The following DDX60L variants were observed in gnomAD, a reference collection of about 807,000 sequenced individuals.
The protein encoded by DDX60L is DExD/H-box 60 like.
DDX60L carries 191 observed loss-of-function variants against 211.6 expected under a neutral mutation model. The observed-to-expected ratio is 0.90, with a 90% CI of 0.80 to 1.02. The LOEUF (loss-of-function observed/expected upper bound fraction) is 1.02, where lower values mean the gene tolerates loss of function less well. Ranked by LOEUF, DDX60L falls within the 50% of genes least tolerant of loss-of-function variation. The pLI is 0.00. For missense variants in DDX60L, 2,007 were observed against 1,984.1 expected, an observed-to-expected ratio of 1.01 and a Z score of -0.22; for synonymous variants, 706 against 694.1, an observed-to-expected ratio of 1.02 and a Z score of -0.27.
chr4:168,463,440 G>C (rs1024308765), intron 4 of DDX60L, among the ~76,000 whole-genome samples: 1 of 152,092 alleles, frequency 6.6e-6, no homozygotes, highest in Non-Finnish European at 1.5e-5. Context: ...ATTGGAGGGC[G>C]GAGGGTGGAG....
chr4:168,447,592 G>T (rs1324970699), intron 9 of DDX60L, among the ~76,000 whole-genome samples: 1 of 151,692 alleles, frequency 6.6e-6, no homozygotes, highest in Non-Finnish European at 1.5e-5. Flanking sequence ...CATTATTGTG[G>T]CATTATTCAC....
chr4:168,360,379 T>C (rs1738900438), intron 37 of DDX60L, among the ~76,000 whole-genome samples: 1 of 152,232 alleles, frequency 6.6e-6, no homozygotes, highest in South Asian at 2.1e-4. Context: ...TATGTAGAGA[T>C]ACTCCAAGTG....
At chr4:168,433,620 A>G (rs1752655340) in intron 10 of DDX60L, among the ~76,000 whole-genome samples, 1 of 152,198 alleles carries the variant, frequency 6.6e-6, no homozygotes, top group African/African-American at 2.4e-5. Flanking sequence ...CATGCTGAAT[A>G]TAATAGACTA....
At chr4:168,423,475 T>C (rs1750969328) in intron 15 of DDX60L, 133 bp downstream of exon 15, 2 of 612,648 alleles carry the variant, frequency 3.3e-6, no homozygotes, top group Non-Finnish European at 5.2e-6. Flanking sequence ...TCTATTATTT[T>C]ATAAACTAGA....
intron 32 of DDX60L, among the ~76,000 whole-genome samples, chr4:168,378,891 G>C (rs1195899289): frequency 6.6e-6 from 1 of 152,070 alleles, no homozygotes; most frequent in Non-Finnish European, 1.5e-5. Flanking sequence ...CTGCTCTTTA[G>C]GGTGTTTCAA....
Position 168,421,882 on chromosome 4 carries a change from T to C in DDX60L, c.2272A>G (p.Asn758Asp), listed in dbSNP as rs1395022161. Residue 758 changes from asparagine (N) to aspartate (D), a missense_variant, in exon 17 of 38, where the codon AAT becomes GAT. Asn to Asp is a conservative substitution (Grantham distance 23). Transcript: ENST00000682922. ...GGGGCAACAATCACTGCTGACTCAT[T>C]CTTATCTACCACATCCAGGAGTTCC... ...QQELLDVVDKNESAVIVAPTS... is the reference protein window; with the variant it reads ...QQELLDVVDKDESAVIVAPTS... 1.2e-6 allele frequency: 2 copies of C among 1,614,170 alleles called. No homozygotes were observed. Among genetic ancestry groups the C allele is most frequent in the Admixed American group, 3.3e-5 (2 of 60,022 alleles).
chr4:168,421,984 A>G, intron 16 of DDX60L, 75 bp from the exon 17 acceptor site: 1 of 1,578,402 alleles, frequency 6.3e-7, no homozygotes, highest in Non-Finnish European at 8.7e-7. Context: ...TATCCTTTGT[A>G]CCTTCTGTCT....
intron 7 of DDX60L, among the ~76,000 whole-genome samples, chr4:168,454,037 T>C (rs1357882310): frequency 6.6e-6 from 1 of 152,198 alleles, no homozygotes; most frequent in Non-Finnish European, 1.5e-5. Flanking sequence ...TATGAACTTT[T>C]GTGAGAAATC....
At chr4:168,419,627 A>C (rs1165288517) in intron 18 of DDX60L, among the ~76,000 whole-genome samples, 4 of 152,218 alleles carry the variant, frequency 2.6e-5, no homozygotes, top group Non-Finnish European at 1.5e-5. Flanking sequence ...TTTAGTCTTA[A>C]ATGTCTACTT....
At chr4:168,415,603 G>C (rs1326025771) in intron 21 of DDX60L, 54 bp downstream of exon 21, 9 of 1,426,212 alleles carry the variant, frequency 6.3e-6, no homozygotes, top group African/African-American at 1.5e-5. Flanking sequence ...CCTATAAAAA[G>C]CTTTGTAGTA....
At chr4:168,398,960 G>T (rs1012752347) in intron 26 of DDX60L, among the ~76,000 whole-genome samples, 5 of 152,126 alleles carry the variant, frequency 3.3e-5, no homozygotes, top group Admixed American at 1.3e-4. Flanking sequence ...GCAGAGAGGA[G>T]CAACCCACTC....
At chr4:168,437,875 T>TTG (rs56904307) in intron 10 of DDX60L, among the ~76,000 whole-genome samples, 111,827 of 151,346 alleles carry the variant, frequency 0.74, 42,610 homozygotes, top group East Asian at 0.91. Flanking sequence ...TTTTGGGTTT[T>TTG]TTTGGTTTTG....
At chr4:168,424,797 A>C (rs1751199651) in intron 14 of DDX60L, among the ~76,000 whole-genome samples, 1 of 152,068 alleles carries the variant, frequency 6.6e-6, no homozygotes, top group South Asian at 2.1e-4. Context: ...GCTTTCTTAT[A>C]AATCCCCATA....
At position 168,373,669 on chromosome 4, in the gene DDX60L, G is replaced by C. The variant is rs556301029; in HGVS notation, c.4773C>G (p.Asn1591Lys). The C allele has an allele frequency of 6.2e-7, 1 of 1,613,268 alleles. No individual in the cohort carries two copies. The highest frequency in any genetic ancestry group is 8.5e-7 in the Non-Finnish European group (1 of 1,179,436). ...ATAAGATGTATCCTTCACTTACCTG[G>C]TTGATAGTCTCTGGTCGAAGCAAAT... is the stretch of plus-strand genomic sequence containing the variant. ...DNDLLRPETINQVILRTVGVS... is the reference protein window; with the variant it reads ...DNDLLRPETIKQVILRTVGVS... The change falls in exon 35 of 38, where the codon AAC becomes AAG. Residue 1591 changes from asparagine (N) to lysine (K), a missense_variant. Asn to Lys is a moderately conservative substitution (Grantham distance 94, BLOSUM62 0). Coordinates refer to ENST00000682922, the MANE Select transcript of DDX60L (RefSeq NM_001012967.3).
intron 33 of DDX60L, among the ~76,000 whole-genome samples, chr4:168,377,086 T>C (rs7659544): frequency 0.36 from 53,906 of 151,636 alleles, 11,689 homozygotes; most frequent in East Asian, 0.6. Context: ...AGGTCAGGAG[T>C]TTAAAACCAA....
At chr4:168,410,601 AAT>A (rs1674315059) in intron 22 of DDX60L, among the ~76,000 whole-genome samples, 1 of 152,246 alleles carries the variant, frequency 6.6e-6, no homozygotes, top group East Asian at 1.9e-4. Flanking sequence ...ACTATTGGCT[AAT>A]GTCATTATAT....
At position 168,420,258 on chromosome 4, in the gene DDX60L, T is replaced by C; in HGVS notation, c.2514+3A>G. 2 of 1,580,118 alleles carry C rather than the reference T, an allele frequency of 1.3e-6. No individual in the cohort carries two copies. ...AATAAACTCATTAATTAATATGTCA[T>C]ACCTGACAGTTTAGTACATTGTGAC... On this transcript the variant is annotated splice_donor_region_variant and intron_variant, in intron 18 of 37. Transcript: ENST00000682922.
rs765377812 is a variant in DDX60L, at chr4:168,406,593, T to C, written c.3084+9A>G. Reference sequence around the variant, plus strand: ...GTTCATTTTGGTGAATATATATTTCTATATTTACCTGAGCCCTGGGCCAAG... The same window carrying C: ...GTTCATTTTGGTGAATATATATTTCCATATTTACCTGAGCCCTGGGCCAAG... On this transcript the variant is annotated intron_variant, in intron 23 of 37. Transcript: ENST00000682922. 58 of 1,561,228 alleles carry C rather than the reference T, an allele frequency of 3.7e-5. No homozygotes were observed. The highest frequency in any genetic ancestry group is 4.8e-5 in the Non-Finnish European group (55 of 1,147,888).
intron 10 of DDX60L, among the ~76,000 whole-genome samples, chr4:168,434,521 T>C (rs1380766057): frequency 1.3e-5 from 2 of 152,260 alleles, no homozygotes; most frequent in African/African-American, 4.8e-5. Context: ...CTGTGGGAAC[T>C]GCTACCAGCA....
Sources: allele counts gnomAD v4.1 joint callset (sites outside exome capture counted in the v4.1 genomes callset), GRCh38; gene constraint gnomAD v4.1.1; transcripts MANE v1.5; gene names NCBI Gene and HGNC (gene_info 2026-07-23, HGNC 2026-07-21).